SSB: variants seen among roughly 807,000 people sequenced by gnomAD.
SSB encodes small RNA binding exonuclease protection factor La.
A neutral mutation model predicts 52.9 loss-of-function variants in SSB; 17 were observed. That is an observed-to-expected ratio of 0.32 (90% confidence interval 0.22 to 0.48). The LOEUF is 0.48. Among genes scored for constraint, SSB ranks in the 20% least tolerant of loss-of-function variants. The pLI, the probability that SSB is intolerant of heterozygous loss-of-function variation, is 0.99. For missense variants in SSB, 314 were observed against 463.6 expected (o/e 0.68, Z 2.96); for synonymous variants, 111 against 152.1 (o/e 0.73, Z 1.99).
At chr2:169,805,233 TTAAATA>T (rs1182565955) in intron 2 of SSB, among the ~76,000 whole-genome samples, 2 of 152,228 alleles carry the variant, frequency 1.3e-5, no homozygotes, top group Non-Finnish European at 2.9e-5. Flanking sequence ...CATATAATCT[TTAAATA>T]TATTCTTCTT....
At chr2:169,804,313 T>C (rs1380720905) in intron 2 of SSB, among the ~76,000 whole-genome samples, 1 of 149,628 alleles carries the variant, frequency 6.7e-6, no homozygotes, top group Non-Finnish European at 1.5e-5. Flanking sequence ...GGCACAATTA[T>C]GCCTCACTGC....
Position 169,811,295 on chromosome 2 carries a change from T to C in SSB, c.1110T>C (p.His370=), listed in dbSNP as rs1277951324. Residue 370 remains histidine (H), a synonymous_variant, in exon 11 of 12, where the codon CAT becomes CAC. Coordinates refer to ENST00000260956, the MANE Select transcript of SSB (RefSeq NM_003142.5). ...CGAAATTTGCTAGTGATGATGAACATGATGAACATGATGAAAATGGTGCAA... is the reference window on the plus strand; with the variant it reads ...CGAAATTTGCTAGTGATGATGAACACGATGAACATGATGAAAATGGTGCAA... ...KKTKFASDDE[H]DEHDENGATG... The C allele has an allele frequency of 3.1e-6, 5 of 1,597,524 alleles. No individual in the cohort carries two copies. Among genetic ancestry groups the C allele is most frequent in the East Asian group, 4.5e-5 (2 of 44,704 alleles).
At position 169,808,784 on chromosome 2, in the gene SSB, A is replaced by T. The variant is rs374766079; in HGVS notation, c.627-76A>T. On this transcript the variant is annotated intron_variant, in intron 7 of 11. Transcript: ENST00000260956. The stretch of plus-strand genomic sequence containing the variant: ...TGGTTAAGTAAGTTTAGTGATCATG[A>T]TTGGTTAACTTTATTAGGACTTAAT... 2.6e-5 allele frequency: 33 copies of T among 1,257,444 alleles called. No individual in the cohort carries two copies. The East Asian group carries it at 3.5e-4, about 13-fold the overall frequency. 77.9% of individuals were successfully genotyped at this position (1,257,444 alleles called of 1,614,324 possible). A position where few individuals can be genotyped will look rare whatever the true frequency, so the allele number is the denominator to read the frequency against.
chr2:169,805,165 T>G (rs1689804044), intron 2 of SSB, among the ~76,000 whole-genome samples: 1 of 152,186 alleles, frequency 6.6e-6, no homozygotes, highest in African/African-American at 2.4e-5. Context: ...AACCAATTTC[T>G]TCCAGTTCTT....
chr2:169,805,928 C>G (rs948308542), intron 4 of SSB, 89 bp downstream of exon 4: 1 of 1,202,378 alleles, frequency 8.3e-7, no homozygotes, highest in African/African-American at 1.5e-5. Flanking sequence ...CACAGCCTCA[C>G]TAATTACTGT....
At chr2:169,805,408 A>T in intron 2 of SSB, 66 bp from the exon 3 acceptor site, 1 of 1,168,098 alleles carries the variant, frequency 8.6e-7, no homozygotes, top group South Asian at 1.3e-5. Flanking sequence ...TTGGTACTGT[A>T]GAGTAATGTC....
At chr2:169,807,279 A>T (rs1211482972) in intron 6 of SSB, among the ~76,000 whole-genome samples, 1 of 152,012 alleles carries the variant, frequency 6.6e-6, no homozygotes, top group East Asian at 1.9e-4. Context: ...CACTGTTAAC[A>T]ATTTTTTTTT....
intron 6 of SSB, among the ~76,000 whole-genome samples, chr2:169,807,454 A>G (rs1206981364): frequency 6.6e-6 from 1 of 151,790 alleles, no homozygotes; most frequent in Non-Finnish European, 1.5e-5. Flanking sequence ...TCGTCCACCT[A>G]ATTTTTGTAT....
intron 11 of SSB, 119 bp downstream of exon 11, chr2:169,811,442 G>A (rs1573963859): frequency 7.5e-7 from 1 of 1,338,682 alleles, no homozygotes; most frequent in Non-Finnish European, 1.0e-6. Context: ...TGCCATTCTT[G>A]GATTATTAAC....
chr2:169,807,612 G>A (rs1397226638), intron 6 of SSB, among the ~76,000 whole-genome samples: 2 of 152,014 alleles, frequency 1.3e-5, no homozygotes, highest in Admixed American at 6.6e-5. Context: ...ATTAAAGGAG[G>A]TTATGTTTTA....
At chr2:169,802,594 A>G (rs918056229) in intron 2 of SSB, among the ~76,000 whole-genome samples, 3 of 152,228 alleles carry the variant, frequency 2.0e-5, no homozygotes, top group African/African-American at 7.2e-5. Flanking sequence ...ACAACCTGCT[A>G]ACTCTCAAAT....
At chr2:169,800,293 G>A (rs1689680975) in intron 1 of SSB, among the ~76,000 whole-genome samples, 1 of 152,158 alleles carries the variant, frequency 6.6e-6, no homozygotes, top group Admixed American at 6.5e-5. Context: ...CACTTTGGGA[G>A]GCCGAGGCGG....
intron 11 of SSB, 130 bp downstream of exon 11, chr2:169,811,453 G>T: frequency 7.7e-7 from 1 of 1,304,980 alleles, no homozygotes; most frequent in East Asian, 2.5e-5. Context: ...GATTATTAAC[G>T]ATTTACCTCG....
Position 169,809,015 on chromosome 2 carries a change from TA to T in SSB, c.669+114del, listed in dbSNP as rs775397198. 5 of 835,084 alleles carry T rather than the reference TA, an allele frequency of 6.0e-6. No individual in the cohort carries two copies. In the East Asian group the frequency reaches 1.3e-4, roughly 21 times the overall value. The allele number at this position is 835,084 out of a possible 1,614,324, so 51.7% of individuals were successfully genotyped here. A position where few individuals can be genotyped will look rare whatever the true frequency, so the allele number is the denominator to read the frequency against. On this transcript the variant is annotated intron_variant, in intron 8 of 11. Coordinates refer to ENST00000260956, the MANE Select transcript of SSB (RefSeq NM_003142.5). ...CGTAAGCAAAGCTATCTATAGTTGT[TA>T]TTGCATTAAGTAATACATCAGGTAT... is the stretch of plus-strand genomic sequence containing the variant.
chr2:169,809,770 G>A (rs1311919071), intron 8 of SSB, among the ~76,000 whole-genome samples: 2 of 151,430 alleles, frequency 1.3e-5, no homozygotes, highest in Non-Finnish European at 2.9e-5. Flanking sequence ...CTGCCACCAC[G>A]TCCGGCTAAT....
Position 169,811,681 on chromosome 2 carries a change from A to G in SSB, c.1152A>G (p.Arg384=), listed in dbSNP as rs922788716. The change falls in exon 12 of 12, where the codon AGA becomes AGG. Residue 384 remains arginine (R), a synonymous_variant. Transcript: ENST00000260956. ...DENGATGPVK[R]AREETDKEEP... ...GTTACGTTATAGGACCTGTGAAAAGAGCAAGAGAAGAAACAGACAAAGAAG... is the reference window on the plus strand; with the variant it reads ...GTTACGTTATAGGACCTGTGAAAAGGGCAAGAGAAGAAACAGACAAAGAAG... The G allele has an allele frequency of 2.5e-6, 4 of 1,612,654 alleles. No individual in the cohort carries two copies. Among genetic ancestry groups the G allele is most frequent in the Non-Finnish European group, 3.4e-6 (4 of 1,179,504 alleles).
intron 11 of SSB, 57 bp from the exon 12 acceptor site, chr2:169,811,611 A>G: frequency 6.3e-7 from 1 of 1,576,666 alleles, no homozygotes; most frequent in Non-Finnish European, 8.6e-7. Context: ...TGTGCTCAGT[A>G]TTAAACTAGA....
chr2:169,808,549 A>G lies in SSB; in HGVS notation c.622A>G (p.Lys208Glu). 3.1e-6 allele frequency: 5 copies of G among 1,608,884 alleles called. No individual in the cohort carries two copies. Among genetic ancestry groups the G allele is most frequent in the Non-Finnish European group, 4.3e-6 (5 of 1,175,522 alleles). ...TAAAGTGGAAGCTAAATTAAGAGCT[A>G]AACAGTAAGTATGTTGAACTAATCA... ...QNKVEAKLRA[K>E]QEQEAKQKLE... Residue 208 changes from lysine to glutamate, a missense_variant, in exon 7 of 12, where the codon AAA (lysine) becomes GAA (glutamate). Lys to Glu is a moderately conservative substitution (Grantham distance 56). Transcript: ENST00000260956.
At position 169,810,237 on chromosome 2, in the gene SSB, T is replaced by C. The variant is rs763441180; in HGVS notation, c.670-46T>C. The C allele has an allele frequency of 1.9e-5, 29 of 1,498,514 alleles. No individual in the cohort carries two copies. In the South Asian group the frequency reaches 3.5e-4, roughly 18 times the overall value. The allele number at this position is 1,498,514 out of a possible 1,614,324, so 92.8% of individuals were successfully genotyped here. A position where few individuals can be genotyped will look rare whatever the true frequency, so the allele number is the denominator to read the frequency against. ...GGTGGTGTGAGTCATTTCTGGTCTGTTGTTGCTTTTAAGAAACTTTTTGAT... is the reference window on the plus strand; with the variant it reads ...GGTGGTGTGAGTCATTTCTGGTCTGCTGTTGCTTTTAAGAAACTTTTTGAT... On this transcript the variant is annotated intron_variant, in intron 8 of 11. Coordinates refer to ENST00000260956, the MANE Select transcript of SSB (RefSeq NM_003142.5).
Sources: gnomAD v4.1 joint callset for allele counts (sites outside exome capture counted in the v4.1 genomes callset) on GRCh38, gnomAD v4.1.1 for gene constraint, MANE v1.5 for transcripts, NCBI Gene and HGNC (gene_info 2026-07-23, HGNC 2026-07-21) for gene names.